Variants in TSPAN32 observed in about 807,000 individuals in gnomAD.
TSPAN32 encodes tetraspanin-32.
Under a neutral mutation model 42.7 loss-of-function variants are expected in TSPAN32, and 47 were observed. The ratio of observed to expected loss-of-function variants is 1.10; its 90% CI spans 0.87 to 1.40. TSPAN32 has a LOEUF of 1.40. Ranked by LOEUF, TSPAN32 falls within the 40% of genes most tolerant of loss-of-function variation. The pLI, the probability that TSPAN32 is intolerant of heterozygous loss-of-function variation, is 0.00. For missense variants in TSPAN32, 469 were observed against 424.1 expected, an observed-to-expected ratio of 1.11 and a Z score of -0.93; for synonymous variants, 175 against 175.9, an observed-to-expected ratio of 0.99 and a Z score of 0.04.
intron 2 of TSPAN32, among the ~76,000 whole-genome samples, chr11:2,303,727 C>G (rs1373748778): frequency 6.6e-6 from 1 of 152,106 alleles, no homozygotes; most frequent in Non-Finnish European, 1.5e-5. Context: ...AAGATTACAG[C>G]TCCAGTCCGG....
At position 2,317,923 on chromosome 11, in the gene TSPAN32, G is replaced by C. The variant is rs764042275; in HGVS notation, c.962G>C (p.Ter321SerextTer26). 9.5e-7 allele frequency: 1 copy of C among 1,049,880 alleles called. No individual in the cohort carries two copies. Among genetic ancestry groups the C allele is most frequent in the East Asian group, 2.4e-5 (1 of 42,358 alleles). 65.0% of individuals were successfully genotyped at this position (1,049,880 alleles called of 1,614,324 possible). The change falls in exon 10 of 10, where the codon TGA becomes TCA. Residue 321 changes from the stop codon to serine, a stop_lost. Coordinates refer to ENST00000182290, the MANE Select transcript of TSPAN32 (RefSeq NM_139022.3). This position sits in a 1 kb window ranked among gnomAD's most constrained non-coding sequence, Gnocchi z 6.2. ...TGCCCTGAGCGGGGTCTCTCAGACTGACGTCAGGCCTTGGTGGGCTGCACT... is the reference window on the plus strand; with the variant it reads ...TGCCCTGAGCGGGGTCTCTCAGACTCACGTCAGGCCTTGGTGGGCTGCACT... ...SGCPERGLSD[*>S]
intron 4 of TSPAN32, chr11:2,309,329 C>T: frequency 2.1e-6 from 1 of 470,586 alleles, no homozygotes; most frequent in Non-Finnish European, 4.4e-6. Context: ...AGCACCCATC[C>T]TTCCGTCCTG....
intron 3 of TSPAN32, chr11:2,306,967 A>AGAGGGAGGAGGG (rs1564957757): frequency 8.8e-5 from 1 of 11,304 alleles, no homozygotes. Context: ...GAGAAGGAGG[A>AGAGGGAGGAGGG]GGAAAGAGAA....
intron 3 of TSPAN32, among the ~76,000 whole-genome samples, chr11:2,307,467 C>T (rs1483354396): frequency 2.6e-5 from 4 of 152,078 alleles, no homozygotes; most frequent in Admixed American, 6.5e-5. Flanking sequence ...GCTGCCCGGT[C>T]GGTGGCTAGA....
intron 1 of TSPAN32, 90 bp downstream of exon 1, chr11:2,302,305 C>T (rs12792658): frequency 8.0e-7 from 1 of 1,249,870 alleles, no homozygotes; most frequent in Non-Finnish European, 1.0e-6. Context: ...TTATCCCTCC[C>T]CTGACACACA....
At position 2,314,019 on chromosome 11, in the gene TSPAN32, A is replaced by G. The variant is rs1848631771; in HGVS notation, c.456+264A>G. Reference sequence around the variant, plus strand: ...TTCAGAAACACTGAAGGATTTCAAGAGCATTAAAGCAAATACGGGGCCGAA... The same window carrying G: ...TTCAGAAACACTGAAGGATTTCAAGGGCATTAAAGCAAATACGGGGCCGAA... On this transcript the variant is annotated intron_variant, in intron 5 of 9. Coordinates refer to ENST00000182290, the MANE Select transcript of TSPAN32 (RefSeq NM_139022.3). Among the ~76,000 whole-genome samples the G allele has an allele frequency of 1.3e-5, 2 of 152,072 alleles. 1 individual carries two copies. The highest frequency in any genetic ancestry group is 4.1e-4 in the South Asian group (2 of 4,834).
At chr11:2,316,737 T>C (rs1463595026) in intron 8 of TSPAN32, 70 bp downstream of exon 8, 1 of 1,450,248 alleles carries the variant, frequency 6.9e-7, no homozygotes, top group East Asian at 2.3e-5. Context: ...GCATCTGCTC[T>C]GCCAGCTGCT....
chr11:2,306,544 G>GGA (rs34446612), intron 3 of TSPAN32, among the ~76,000 whole-genome samples: 2 of 149,826 alleles, frequency 1.3e-5, no homozygotes, highest in Non-Finnish European at 3.0e-5. Context: ...GGTGGTGGGG[G>GGA]GAGAGAGAGA....
At position 2,317,462 on chromosome 11, in the gene TSPAN32, C is replaced by A; in HGVS notation, c.838C>A (p.Arg280=). 2 of 1,601,508 alleles carry A rather than the reference C, an allele frequency of 1.2e-6. No homozygotes were observed. Among genetic ancestry groups the A allele is most frequent in the Non-Finnish European group, 1.7e-6 (2 of 1,174,368 alleles). ...TCCAAGAGGATGCTCGGGTAGTCTT[C>A]GGTGGCTGCAGGAGAGCGATGCTGC... ...IGPRGCSGSL[R]WLQESDAAPL... is the part of the protein sequence containing the mutation. Residue 280 remains arginine (R), a synonymous_variant, in exon 9 of 10, where the codon CGG becomes AGG. Transcript: ENST00000182290. The surrounding 1 kb of genome is among the most constrained non-coding windows in gnomAD (Gnocchi z 6.2).
Position 2,317,730 on chromosome 11 carries a change from G to A in TSPAN32, c.902-133G>A. On this transcript the variant is annotated intron_variant, in intron 9 of 9. Transcript: ENST00000182290. The surrounding 1 kb of genome is among the most constrained non-coding windows in gnomAD (Gnocchi z 6.2). ...ACCACACTGGAGGCAGCAGCCCAGG[G>A]CAGACTGCAAGACACTGGTGGCCCA... is the stretch of plus-strand genomic sequence containing the variant. 4 of 1,514,180 alleles carry A rather than the reference G, an allele frequency of 2.6e-6. No homozygotes were observed. The South Asian group carries it at 3.7e-5, about 14-fold the overall frequency. 93.8% of individuals were successfully genotyped at this position (1,514,180 alleles called of 1,614,324 possible).
rs915733810 is a variant in TSPAN32, at chr11:2,313,678, T to C, written c.379T>C (p.Tyr127His). Reference protein sequence around the residue: ...TQVEDAMLDTYDLVYEQAMKG... With the variant: ...TQVEDAMLDTHDLVYEQAMKG... Reference sequence around the variant, plus strand: ...GGTGGAGGACGCCATGCTGGACACCTACGACCTGGTATATGAGCAGGCGAT... The same window carrying C: ...GGTGGAGGACGCCATGCTGGACACCCACGACCTGGTATATGAGCAGGCGAT... Residue 127 changes from tyrosine (Y) to histidine (H), a missense_variant, in exon 5 of 10, where the codon TAC becomes CAC. Coordinates refer to ENST00000182290, the MANE Select transcript of TSPAN32 (RefSeq NM_139022.3). This position sits in a 1 kb window ranked among gnomAD's most constrained non-coding sequence, Gnocchi z 9.1. 1.2e-6 allele frequency: 2 copies of C among 1,608,144 alleles called. No individual in the cohort carries two copies. The highest frequency in any genetic ancestry group is 1.3e-5 in the African/African-American group (1 of 74,820).
At chr11:2,315,538 A>G (rs921582350) in intron 6 of TSPAN32, 2 of 1,160,346 alleles carry the variant, frequency 1.7e-6, no homozygotes, top group African/African-American at 3.2e-5. Context: ...GGGGAGCCGG[A>G]AGAGCCAGCA....
At chr11:2,309,575 C>G (rs1018913850) in intron 4 of TSPAN32, 1 of 317,456 alleles carries the variant, frequency 3.2e-6, no homozygotes, top group Non-Finnish European at 6.5e-6. Flanking sequence ...TGGAGTGGGG[C>G]AGGAGAGCCT....
chr11:2,305,985 CAT>C lies in TSPAN32; in HGVS notation c.279+1782_279+1783del, dbSNP rs201156283. Among the ~76,000 whole-genome samples the C allele has an allele frequency of 1.0e-2, 1,511 of 151,250 alleles. 15 individuals carry two copies. The highest frequency in any genetic ancestry group is 0.038 in the Middle Eastern group (11 of 292). On this transcript the variant is annotated intron_variant, in intron 3 of 9. Transcript: ENST00000182290. ...CTATGTGTATGCGTGTGCAAATATA[CAT>C]GTGTGTGTGCATGTGCATGAGTGTG...
In TSPAN32 at chr11:2,304,303, C is replaced by A; in HGVS notation, c.279+99C>A. ...GTGTGCCACCCCCACACCTGAGTGA[C>A]CAGGCAGAACCAGAGGCCCCAGGGA... is the stretch of plus-strand genomic sequence containing the variant. On this transcript the variant is annotated intron_variant, in intron 3 of 9. Transcript: ENST00000182290. This position sits in a 1 kb window ranked among gnomAD's most constrained non-coding sequence, Gnocchi z 4.8. 1 of 843,880 alleles carries A rather than the reference C, an allele frequency of 1.2e-6. No homozygotes were observed. The highest frequency in any genetic ancestry group is 1.8e-6 in the Non-Finnish European group (1 of 563,040). 52.3% of individuals were successfully genotyped at this position (843,880 alleles called of 1,614,324 possible).
At chr11:2,316,160 C>T (rs1400909184) in intron 6 of TSPAN32, 69 bp from the exon 7 acceptor site, 3 of 1,513,994 alleles carry the variant, frequency 2.0e-6, no homozygotes, top group Non-Finnish European at 1.8e-6. Context: ...TCCATGGCCC[C>T]ACAGAGGCCG....
At position 2,302,831 on chromosome 11, in the gene TSPAN32, G is replaced by GC; in HGVS notation, c.67-10dup. 1 of 1,610,558 alleles carries GC rather than the reference G, an allele frequency of 6.2e-7. No individual in the cohort carries two copies. Among genetic ancestry groups the GC allele is most frequent in the Non-Finnish European group, 8.5e-7 (1 of 1,177,422 alleles). Reference sequence around the variant, plus strand: ...GTCCCATGCCCCACACTCTGAGTCTGCCCTATCCACAGCTGCTGGGCCTCT... The same window carrying GC: ...GTCCCATGCCCCACACTCTGAGTCTGCCCCTATCCACAGCTGCTGGGCCTCT... On this transcript the variant is annotated splice_polypyrimidine_tract_variant and intron_variant, in intron 1 of 9. Transcript: ENST00000182290.
In TSPAN32 at chr11:2,314,582, G is replaced by T. The variant is rs764787789; in HGVS notation, c.543+11G>T. On this transcript the variant is annotated intron_variant, in intron 6 of 9. Transcript: ENST00000182290. Reference sequence around the variant, plus strand: ...GAGGCGGCGAGAGAGGTGAGGGGGGGACCTGGATGCTGGCCAGGCAAGACC... The same window carrying T: ...GAGGCGGCGAGAGAGGTGAGGGGGGTACCTGGATGCTGGCCAGGCAAGACC... 5 of 1,598,778 alleles carry T rather than the reference G, an allele frequency of 3.1e-6. No individual in the cohort carries two copies. The highest frequency in any genetic ancestry group is 2.3e-5 in the East Asian group (1 of 44,404).
At chr11:2,307,273 C>T (rs1848175401) in intron 3 of TSPAN32, among the ~76,000 whole-genome samples, 1 of 152,192 alleles carries the variant, frequency 6.6e-6, no homozygotes, top group African/African-American at 2.4e-5. Flanking sequence ...TCGCTGCCCA[C>T]CTGCCAGCAT....
Sources: allele counts gnomAD v4.1 joint callset (sites outside exome capture counted in the v4.1 genomes callset), GRCh38; gene constraint gnomAD v4.1.1; non-coding constraint Gnocchi (gnomAD v3.1); transcripts MANE v1.5; gene names NCBI Gene and HGNC (gene_info 2026-07-23, HGNC 2026-07-21).